Variants in EXOC7 observed in about 807,000 individuals in gnomAD.
EXOC7 encodes the protein exocyst complex component 7.
EXOC7 carries 51 observed loss-of-function variants against 87.6 expected under a neutral mutation model. That is an observed-to-expected ratio of 0.58 (90% CI 0.46 to 0.73). The LOEUF (loss-of-function observed/expected upper bound fraction) is 0.73. Among genes scored for constraint, EXOC7 ranks in the 30% least tolerant of loss-of-function variants. The probability of loss-of-function intolerance (pLI) is 0.00; values close to 1 mark genes in which losing one functional copy is unlikely to be tolerated. For missense variants in EXOC7, 744 were observed against 888.4 expected (o/e 0.84, Z 2.07); for synonymous variants, 327 against 357.1 (o/e 0.92, Z 0.95).
At chr17:76,088,155 A>G in intron 10 of EXOC7, 33 bp from the exon 11 acceptor site, 1 of 1,608,746 alleles carries the variant, frequency 6.2e-7, no homozygotes, top group Non-Finnish European at 8.5e-7. Context: ...TCCCTGAAGC[A>G]GCCCCCAGCC....
rs903187534 is a variant in EXOC7, at chr17:76,098,188, G to A, written c.418-170C>T. The A allele has an allele frequency of 1.3e-5, 8 of 593,182 alleles. No individual in the cohort carries two copies. In the African/African-American group the frequency reaches 1.5e-4, roughly 11 times the overall value. The allele number at this position is 593,182 out of a possible 1,614,324, so 36.7% of individuals were successfully genotyped here. ...AGTCTCGCTCTGTCACCAGGCTGGA[G>A]TGCAGTGACACAATCTTGGCTCACT... On this transcript the variant is annotated intron_variant, in intron 4 of 18. Coordinates refer to ENST00000589210, the MANE Select transcript of EXOC7 (RefSeq NM_001013839.4).
In EXOC7 at chr17:76,087,472, G is replaced by A. The variant is rs915535403; in HGVS notation, c.1429+182C>T. 4 of 615,406 alleles carry A rather than the reference G, an allele frequency of 6.5e-6. No individual in the cohort carries two copies. In the East Asian group the frequency reaches 8.3e-5, roughly 13 times the overall value. The allele number at this position is 615,406 out of a possible 1,614,324, so 38.1% of individuals were successfully genotyped here. A position where few individuals can be genotyped will look rare whatever the true frequency, so the allele number is the denominator to read the frequency against. Reference sequence around the variant, plus strand: ...GGGAGGGGCCAGAGGTCCAGTGTCTGGTCTTGAAAGGTGCAGGCAAACCTT... The same window carrying A: ...GGGAGGGGCCAGAGGTCCAGTGTCTAGTCTTGAAAGGTGCAGGCAAACCTT... On this transcript the variant is annotated intron_variant, in intron 12 of 18. Coordinates refer to ENST00000589210, the MANE Select transcript of EXOC7 (RefSeq NM_001013839.4).
intron 15 of EXOC7, 43 bp downstream of exon 15, chr17:76,085,271 G>C: frequency 2.7e-6 from 4 of 1,480,330 alleles, no homozygotes; most frequent in Non-Finnish European, 3.7e-6. Context: ...GTGCGTGGTG[G>C]CACAGGGGCC....
In EXOC7 at chr17:76,089,275, C is replaced by T; in HGVS notation, c.947G>A (p.Cys316Tyr). 6.2e-7 allele frequency: 1 copy of T among 1,614,138 alleles called. No individual in the cohort carries two copies. The highest frequency in any genetic ancestry group is 1.1e-5 in the South Asian group (1 of 91,088). The change falls in exon 8 of 19, where the codon TGC (cysteine) becomes TAC (tyrosine). Residue 316 changes from cysteine to tyrosine, a missense_variant. By Grantham distance (194) the Cys-to-Tyr change is radical. Around this residue, in one of 3 missense-constraint regions of EXOC7, gnomAD observed 512 missense variants for 573.0 expected, o/e 0.89. Transcript: ENST00000589210. Reference protein sequence around the residue: ...LDVETDAYIHCVSAFVKLAQS... With the variant: ...LDVETDAYIHYVSAFVKLAQS... ...CGCCAGCTTGACGAAGGCACTGACG[C>T]AGTGGATGTAGGCATCGGTCTCCAC...
chr17:76,103,288 G>C, intron 2 of EXOC7, 73 bp downstream of exon 2: 1 of 1,431,086 alleles, frequency 7.0e-7, no homozygotes, highest in Non-Finnish European at 9.6e-7. Flanking sequence ...GCAGGAACCG[G>C]AACCGCCAGG....
At position 76,081,819 on chromosome 17, in the gene EXOC7, C is replaced by T. The variant is rs925182032; in HGVS notation, c.*1829G>A. ...CCCGGTCACCCACTGGTGCTCAGCT[C>T]GCTGGGCACCAGAGACACAGGGACT... On this transcript the variant is annotated 3_prime_UTR_variant, in exon 19 of 19. Coordinates refer to ENST00000589210, the MANE Select transcript of EXOC7 (RefSeq NM_001013839.4). 1.2e-5 allele frequency: 19 copies of T among 1,610,188 alleles called. No homozygotes were observed. In the African/African-American group the frequency reaches 1.2e-4, roughly 10 times the overall value.
chr17:76,081,408 T>G lies in EXOC7; in HGVS notation c.*2240A>C. ...TGCCCTGCTTCCAGGTGACGGTGAG[T>G]CAAGTCGGGAGGAGGCCGACAGAGG... On this transcript the variant is annotated 3_prime_UTR_variant, in exon 19 of 19. Coordinates refer to ENST00000589210, the MANE Select transcript of EXOC7 (RefSeq NM_001013839.4). 1 of 1,613,902 alleles carries G rather than the reference T, an allele frequency of 6.2e-7. No individual in the cohort carries two copies. Among genetic ancestry groups the G allele is most frequent in the Non-Finnish European group, 8.5e-7 (1 of 1,179,986 alleles).
intron 12 of EXOC7, chr17:76,087,431 C>T (rs1283604370): frequency 1.4e-5 from 8 of 575,082 alleles, no homozygotes; most frequent in South Asian, 4.4e-5. Context: ...AGGGCGAGGA[C>T]GGTCAAAGGG....
intron 7 of EXOC7, 86 bp downstream of exon 7, chr17:76,091,057 G>A (rs1330956950): frequency 1.6e-5 from 19 of 1,200,106 alleles, no homozygotes; most frequent in East Asian, 2.3e-5. Context: ...TTCTCCCGAG[G>A]CCCTCCTGGG....
chr17:76,100,225 G>A (rs1005397375), intron 4 of EXOC7, among the ~76,000 whole-genome samples: 1 of 152,160 alleles, frequency 6.6e-6, no homozygotes, highest in Admixed American at 6.6e-5. Context: ...ATTAGTGTTT[G>A]ATGGGAGTGG....
Position 76,082,380 on chromosome 17 carries a change from C to T in EXOC7, c.*1268G>A. On this transcript the variant is annotated 3_prime_UTR_variant, in exon 19 of 19. Transcript: ENST00000589210. ...AATCTAAGAAAGGAAGCGATACAGG[C>T]TGATGACCCCTGGGGTTCGCTCTTC... 7.3e-7 allele frequency: 1 copy of T among 1,377,368 alleles called. No individual in the cohort carries two copies. The highest frequency in any genetic ancestry group is 9.9e-7 in the Non-Finnish European group (1 of 1,010,718). The allele number at this position is 1,377,368 out of a possible 1,614,324, so 85.3% of individuals were successfully genotyped here.
chr17:76,085,537 CG>C (rs2067173736), intron 14 of EXOC7, 128 bp from the exon 15 acceptor site: 8 of 1,509,570 alleles, frequency 5.3e-6, no homozygotes, highest in Non-Finnish European at 7.3e-6. Flanking sequence ...TCCCACCTTC[CG>C]GGTCCTGGGG....
chr17:76,102,679 T>C (rs2068130295), intron 2 of EXOC7, among the ~76,000 whole-genome samples: 1 of 152,150 alleles, frequency 6.6e-6, no homozygotes, highest in Non-Finnish European at 1.5e-5. Context: ...TAAATGCAAA[T>C]ACAAGTTTGT....
chr17:76,082,259 A>G lies in EXOC7; in HGVS notation c.*1389T>C. 2 of 771,464 alleles carry G rather than the reference A, an allele frequency of 2.6e-6. No individual in the cohort carries two copies. Among genetic ancestry groups the G allele is most frequent in the Non-Finnish European group, 4.0e-6 (2 of 495,796 alleles). 47.8% of individuals were successfully genotyped at this position (771,464 alleles called of 1,614,324 possible). ...CTCCCTGAAGTCCCAGGTGACCTCA[A>G]TCCCCTGATAACCCATGCCTTGCAC... On this transcript the variant is annotated 3_prime_UTR_variant, in exon 19 of 19. Transcript: ENST00000589210.
At chr17:76,090,826 C>T (rs1174560814) in intron 7 of EXOC7, 2 of 522,688 alleles carry the variant, frequency 3.8e-6, no homozygotes, top group Non-Finnish European at 6.8e-6. Context: ...CCTGCCACTG[C>T]TGGTCTGAGC....
Position 76,081,511 on chromosome 17 carries a change from C to G in EXOC7, c.*2137G>C, listed in dbSNP as rs771704797. On this transcript the variant is annotated 3_prime_UTR_variant, in exon 19 of 19. Transcript: ENST00000589210. ...GCCCCCGATGCCCACCTCCTTCCCC[C>G]CCGCCGGGAAGGCCCTGACTTTTCC... 1.0e-4 allele frequency: 169 copies of G among 1,610,936 alleles called. No individual in the cohort carries two copies. The highest frequency in any genetic ancestry group is 1.9e-4 in the South Asian group (17 of 91,028).
chr17:76,086,723 A>G, intron 12 of EXOC7: 1 of 741,442 alleles, frequency 1.3e-6, no homozygotes, highest in South Asian at 1.7e-5. Context: ...GAGAGAGTTG[A>G]GAGCACCCCG....
rs372856719 is a variant in EXOC7, at chr17:76,103,443, G to C, written c.61-17C>G. The C allele has an allele frequency of 2.2e-5, 35 of 1,591,360 alleles. No homozygotes were observed. The highest frequency in any genetic ancestry group is 2.9e-5 in the Non-Finnish European group (34 of 1,168,614). On this transcript the variant is annotated splice_polypyrimidine_tract_variant and intron_variant, in intron 1 of 18. Transcript: ENST00000589210. ...CTCCTCCTCCTGGGGGCAGGCAAGGGGAGGACATCACCAGAAACCAGAAGC... is the reference window on the plus strand; with the variant it reads ...CTCCTCCTCCTGGGGGCAGGCAAGGCGAGGACATCACCAGAAACCAGAAGC...
intron 18 of EXOC7, 125 bp downstream of exon 18, chr17:76,083,881 C>T: frequency 6.7e-6 from 10 of 1,485,858 alleles, no homozygotes; most frequent in South Asian, 1.3e-5. Flanking sequence ...CGCCCCAAAG[C>T]CCAGGTCGCT....
Sources: allele counts gnomAD v4.1 joint callset (sites outside exome capture counted in the v4.1 genomes callset), GRCh38; gene constraint gnomAD v4.1.1; regional missense constraint gnomAD v4.1.1; transcripts MANE v1.5; gene names NCBI Gene and HGNC (gene_info 2026-07-23, HGNC 2026-07-21).